The following FOXP1 variants were observed in gnomAD, a reference collection of about 807,000 sequenced individuals.
The protein encoded by FOXP1 is forkhead box P1, also known as forkhead box protein P1.
In FOXP1, 15 loss-of-function variants were observed where a neutral mutation model predicts 98.2. That is an observed-to-expected ratio of 0.15 (90% confidence interval 0.10 to 0.24). FOXP1 has a LOEUF of 0.24. Among genes scored for constraint, FOXP1 ranks in the 10% least tolerant of loss-of-function variants. FOXP1 has a pLI of 1.00. For synonymous variants in FOXP1, 371 were observed against 314.5 expected, an observed-to-expected ratio of 1.18 and a Z score of -1.90; for missense variants, 633 against 848.5, an observed-to-expected ratio of 0.75 and a Z score of 3.15.
chr3:71,024,290 GCTT>G (rs1177878771), intron 11 of FOXP1, among the ~76,000 whole-genome samples: 1 of 152,122 alleles, frequency 6.6e-6, no homozygotes, highest in Non-Finnish European at 1.5e-5. Context: ...AAGCAGATGG[GCTT>G]CTTATTTCAC....
chr3:71,432,794 C>A (rs1046428042), intron 3 of FOXP1, among the ~76,000 whole-genome samples: 1 of 143,484 alleles, frequency 7.0e-6, no homozygotes, highest in Non-Finnish European at 1.5e-5. Context: ...GCTCCTAAGT[C>A]AAGCCTTCAA....
At chr3:71,369,503 T>C (rs1231687533) in intron 3 of FOXP1, among the ~76,000 whole-genome samples, 1 of 152,190 alleles carries the variant, frequency 6.6e-6, no homozygotes, top group Non-Finnish European at 1.5e-5. Context: ...CAAGCGATTC[T>C]CCTGCCTCAG....
chr3:71,365,851 C>T (rs567448489), intron 3 of FOXP1, among the ~76,000 whole-genome samples: 2 of 152,108 alleles, frequency 1.3e-5, no homozygotes, highest in East Asian at 3.9e-4. Context: ...AGCGTGGTGG[C>T]GTGTGCCTCT....
At chr3:71,581,873 C>T (rs2048200184) in intron 1 of FOXP1, 176 bp from the exon 2 acceptor site, 1 of 985,352 alleles carries the variant, frequency 1.0e-6, no homozygotes, top group Non-Finnish European at 1.2e-6. Flanking sequence ...CAGGGAATCC[C>T]TGCAAGGATC....
At chr3:71,400,125 T>C (rs770687011) in intron 3 of FOXP1, among the ~76,000 whole-genome samples, 1 of 152,158 alleles carries the variant, frequency 6.6e-6, no homozygotes, top group Admixed American at 6.5e-5. Context: ...CTGGGAGGGT[T>C]TGGGGCTGAA....
intron 5 of FOXP1, among the ~76,000 whole-genome samples, chr3:71,222,820 T>A (rs2065503114): frequency 1.3e-5 from 2 of 152,184 alleles, no homozygotes; most frequent in Admixed American, 6.5e-5. Context: ...CAACAAGCCC[T>A]TCTCTCCTTT....
intron 5 of FOXP1, among the ~76,000 whole-genome samples, chr3:71,240,930 G>A (rs1039000430): frequency 2.0e-5 from 3 of 151,906 alleles, no homozygotes; most frequent in Admixed American, 6.5e-5. Context: ...TTTTACCTTC[G>A]CTGGGCGCGG....
At chr3:71,500,534 C>T (rs2041259486) in intron 2 of FOXP1, among the ~76,000 whole-genome samples, 1 of 152,102 alleles carries the variant, frequency 6.6e-6, no homozygotes, top group Non-Finnish European at 1.5e-5. Flanking sequence ...GAAGAAACTC[C>T]ACTCCTCCTT....
At chr3:71,393,090 T>C (rs1025663561) in intron 3 of FOXP1, among the ~76,000 whole-genome samples, 1 of 152,154 alleles carries the variant, frequency 6.6e-6, no homozygotes, top group Non-Finnish European at 1.5e-5. Flanking sequence ...AAAATGTAGG[T>C]ATAAGCAATA....
chr3:71,491,538 G>A (rs554587261), intron 3 of FOXP1, among the ~76,000 whole-genome samples: 22 of 152,276 alleles, frequency 1.4e-4, no homozygotes, highest in African/African-American at 5.1e-4. Flanking sequence ...ATCCTTGCCC[G>A]TGTGTTACTG....
chr3:70,967,713 T>TTTTTTTTTTTTTTTTTTTTTC (rs2035234872), intron 19 of FOXP1, among the ~76,000 whole-genome samples: 1 of 136,064 alleles, frequency 7.3e-6, no homozygotes. Flanking sequence ...TTTTTTTGTT[T>TTTTTTTTTTTTTTTTTTTTTC]TTTTTTTTTT....
intron 5 of FOXP1, among the ~76,000 whole-genome samples, chr3:71,236,408 T>C (rs2066779009): frequency 6.6e-6 from 1 of 152,218 alleles, no homozygotes; most frequent in Non-Finnish European, 1.5e-5. Context: ...GATTGACTTT[T>C]TGGATAAATC....
chr3:71,308,773 G>A (rs1438448044), intron 4 of FOXP1, among the ~76,000 whole-genome samples: 5 of 149,674 alleles, frequency 3.3e-5, no homozygotes, highest in African/African-American at 1.2e-4. Flanking sequence ...GTGTGTGTGT[G>A]TGTGTGTGTG....
rs797045584 is a variant in FOXP1, at chr3:70,976,964, G to T, written c.1507C>A (p.Arg503=). 1.2e-6 allele frequency: 2 copies of T among 1,613,956 alleles called. No homozygotes were observed. Among genetic ancestry groups the T allele is most frequent in the East Asian group, 2.2e-5 (1 of 44,886 alleles). The change falls in exon 17 of 21, where the codon CGA becomes AGA. Residue 503 remains arginine, a synonymous_variant. Transcript: ENST00000649528. ...ACCTTCCACGTGGCCGCGTTGCGTC[G>T]GAAGTAAGCAAACATTCGTGTGAAC... ...NWFTRMFAYF[R]RNAATWKNAV... is the part of the protein sequence containing the mutation.
chr3:71,252,635 C>T (rs917890084), intron 5 of FOXP1, among the ~76,000 whole-genome samples: 3 of 152,172 alleles, frequency 2.0e-5, no homozygotes, highest in Non-Finnish European at 4.4e-5. Context: ...GGTTTACTTA[C>T]GTCACCCAGT....
At chr3:71,523,596 C>T (rs2043149330) in intron 2 of FOXP1, among the ~76,000 whole-genome samples, 2 of 152,136 alleles carry the variant, frequency 1.3e-5, no homozygotes, top group South Asian at 2.1e-4. Context: ...GGTGACATCC[C>T]GAGTCACCTT....
chr3:71,368,194 G>A (rs531985664), intron 3 of FOXP1, among the ~76,000 whole-genome samples: 2 of 151,264 alleles, frequency 1.3e-5, no homozygotes, highest in Admixed American at 6.6e-5. Flanking sequence ...GTGTGATCTC[G>A]GCTCACTACA....
intron 5 of FOXP1, among the ~76,000 whole-genome samples, chr3:71,224,287 T>C (rs1029233290): frequency 6.6e-6 from 1 of 152,014 alleles, no homozygotes; most frequent in African/African-American, 2.4e-5. Context: ...GGACTCAGCA[T>C]GGTTTTGGGA....
At chr3:71,208,080 A>G (rs2064179423) in intron 5 of FOXP1, among the ~76,000 whole-genome samples, 1 of 152,206 alleles carries the variant, frequency 6.6e-6, no homozygotes, top group Non-Finnish European at 1.5e-5. Flanking sequence ...GAACACATCA[A>G]AGTAAAAGTT....
Sources: allele counts gnomAD v4.1 joint callset (sites outside exome capture counted in the v4.1 genomes callset), GRCh38; gene constraint gnomAD v4.1.1; transcripts MANE v1.5; gene names NCBI Gene and HGNC (gene_info 2026-07-23, HGNC 2026-07-21).